Variants in CDKAL1 observed in about 807,000 individuals in gnomAD.
CDKAL1 encodes the protein threonylcarbamoyladenosine tRNA methylthiotransferase.
Under a neutral mutation model 68.2 loss-of-function variants are expected in CDKAL1, and 32 were observed. The observed-to-expected ratio is 0.47, with a 90% CI of 0.35 to 0.63. The LOEUF (loss-of-function observed/expected upper bound fraction) is 0.63, where lower values mean the gene tolerates loss of function less well. Among genes scored for constraint, CDKAL1 ranks in the 30% least tolerant of loss-of-function variants. The probability of loss-of-function intolerance (pLI) is 0.00; values close to 1 mark genes in which losing one functional copy is unlikely to be tolerated. For missense variants in CDKAL1, 606 were observed against 696.7 expected (o/e 0.87, Z 1.47); for synonymous variants, 234 against 244.3 (o/e 0.96, Z 0.39).
At chr6:21,096,464 C>T (rs1773321470) in intron 12 of CDKAL1, among the ~76,000 whole-genome samples, 1 of 152,168 alleles carries the variant, frequency 6.6e-6, no homozygotes. Context: ...ACATTACCAT[C>T]TCTCCATAAA....
chr6:21,230,321 C>G (rs917707335), intron 15 of CDKAL1, among the ~76,000 whole-genome samples: 3 of 152,178 alleles, frequency 2.0e-5, no homozygotes, highest in Non-Finnish European at 4.4e-5. Flanking sequence ...GCCACCACAC[C>G]CAGCTAATTT....
intron 9 of CDKAL1, among the ~76,000 whole-genome samples, chr6:20,953,866 A>C (rs1005446713): frequency 2.0e-5 from 3 of 152,190 alleles, no homozygotes; most frequent in Non-Finnish European, 4.4e-5. Flanking sequence ...TAATACTACT[A>C]ATTTTCAGAT....
chr6:20,763,995 G>A (rs934544495), intron 7 of CDKAL1, among the ~76,000 whole-genome samples: 61 of 152,212 alleles, frequency 4.0e-4, no homozygotes, highest in African/African-American at 1.2e-3. Context: ...GAAATACAGC[G>A]TCTAGTGGAT....
intron 12 of CDKAL1, among the ~76,000 whole-genome samples, chr6:21,069,590 CATTG>C (rs1771644349): frequency 1.3e-5 from 2 of 151,922 alleles, no homozygotes; most frequent in Admixed American, 6.6e-5. Flanking sequence ...TCATGGAAGA[CATTG>C]ATCTGTAGTT....
intron 5 of CDKAL1, among the ~76,000 whole-genome samples, chr6:20,734,611 A>G (rs1284016361): frequency 6.6e-6 from 1 of 152,194 alleles, no homozygotes. Flanking sequence ...AAACTTTGCT[A>G]CTTTATTTGG....
At chr6:20,987,712 C>T (rs375369832) in intron 10 of CDKAL1, among the ~76,000 whole-genome samples, 2 of 152,156 alleles carry the variant, frequency 1.3e-5, no homozygotes, top group African/African-American at 4.8e-5. Flanking sequence ...AAAAAGGATG[C>T]TGTGCTATGA....
rs556945777 is a variant in CDKAL1, at chr6:20,628,598, A to G, written c.287-20695A>G. On this transcript the variant is annotated intron_variant, in intron 4 of 15. Transcript: ENST00000274695. ...ACATTTTTAAAAAGCATACTTTGTC[A>G]GTATCTTTGTCGGTTCTGCCACTGA... is the stretch of plus-strand genomic sequence containing the variant. Among the ~76,000 whole-genome samples, 6 of 152,214 alleles carry G rather than the reference A, an allele frequency of 3.9e-5. No individual in the cohort carries two copies. The South Asian group carries it at 8.3e-4, about 21-fold the overall frequency.
intron 13 of CDKAL1, among the ~76,000 whole-genome samples, chr6:21,177,767 C>T (rs952850261): frequency 1.3e-5 from 2 of 150,070 alleles, no homozygotes; most frequent in Non-Finnish European, 3.0e-5. Context: ...TCATTATTTA[C>T]GAATATATTT....
chr6:20,994,756 AT>A (rs1767015290), intron 10 of CDKAL1, among the ~76,000 whole-genome samples: 1 of 152,198 alleles, frequency 6.6e-6, no homozygotes. Context: ...TGTGTAAAAA[AT>A]GTACATACCT....
intron 9 of CDKAL1, among the ~76,000 whole-genome samples, chr6:20,880,671 T>C (rs762514796): frequency 1.2e-4 from 18 of 152,210 alleles, no homozygotes; most frequent in Non-Finnish European, 1.2e-4. Context: ...CTGTATCTTA[T>C]ACTGTATACA....
chr6:20,909,185 A>ATGTGTGTG (rs57042223), intron 9 of CDKAL1, among the ~76,000 whole-genome samples: 36 of 119,306 alleles, frequency 3.0e-4, no homozygotes, highest in African/African-American at 9.2e-4. Flanking sequence ...GTGTGCATGT[A>ATGTGTGTG]TGTGTGTGTG....
intron 4 of CDKAL1, among the ~76,000 whole-genome samples, chr6:20,560,873 A>G (rs139899485): frequency 6.6e-6 from 1 of 152,084 alleles, no homozygotes; most frequent in Non-Finnish European, 1.5e-5. Context: ...CATTATTTTT[A>G]TGATTGATTA....
Position 20,556,126 on chromosome 6 carries a change from C to T in CDKAL1, c.286+7421C>T, listed in dbSNP as rs552568880. 3.9e-5 allele frequency among the ~76,000 whole-genome samples: 6 copies of T among 151,996 alleles called. No individual in the cohort carries two copies. In the South Asian group the frequency reaches 6.2e-4, roughly 16 times the overall value. ...TCGCCTGTAATCCCTGCACTTTGGG[C>T]GGCCTAGGCAGGTGGATCTCCTGAG... On this transcript the variant is annotated intron_variant, in intron 4 of 15. Coordinates refer to ENST00000274695, the MANE Select transcript of CDKAL1 (RefSeq NM_017774.3).
chr6:21,169,870 C>T (rs1777304799), intron 13 of CDKAL1, among the ~76,000 whole-genome samples: 1 of 151,752 alleles, frequency 6.6e-6, no homozygotes, highest in Non-Finnish European at 1.5e-5. Context: ...TTTTGTAAAG[C>T]GGTCAGATCT....
chr6:20,781,179 T>C lies in CDKAL1; in HGVS notation c.552T>C (p.Asp184=), dbSNP rs1360583795. Residue 184 remains aspartate (D), a synonymous_variant, in exon 8 of 16, where the codon GAT becomes GAC. Coordinates refer to ENST00000274695, the MANE Select transcript of CDKAL1 (RefSeq NM_017774.3). ...HSVRLLGQKK[D]NGRRLGGARL... ...TGAGACTGCTGGGTCAGAAAAAGGA[T>C]AATGGAAGGCGGCTTGGGGGAGCAC... 1 of 1,613,804 alleles carries C rather than the reference T, an allele frequency of 6.2e-7. No homozygotes were observed. The highest frequency in any genetic ancestry group is 1.7e-5 in the Admixed American group (1 of 59,936).
intron 8 of CDKAL1, among the ~76,000 whole-genome samples, chr6:20,844,086 G>A (rs1306723094): frequency 6.6e-6 from 1 of 152,164 alleles, no homozygotes; most frequent in African/African-American, 2.4e-5. Context: ...GAAGTGACAT[G>A]TTTTCACACA....
chr6:20,899,485 C>A (rs967187137), intron 9 of CDKAL1, among the ~76,000 whole-genome samples: 1 of 152,174 alleles, frequency 6.6e-6, no homozygotes. Context: ...CTTTTTAAAA[C>A]CACTTACTGG....
At chr6:20,589,186 G>A (rs534530453) in intron 4 of CDKAL1, among the ~76,000 whole-genome samples, 147 of 152,112 alleles carry the variant, frequency 9.7e-4, no homozygotes, top group Middle Eastern at 3.4e-3. Context: ...AGATATCATT[G>A]ATATCATTGA....
At chr6:20,821,135 T>C (rs1399049400) in intron 8 of CDKAL1, among the ~76,000 whole-genome samples, 2 of 152,024 alleles carry the variant, frequency 1.3e-5, no homozygotes, top group Non-Finnish European at 2.9e-5. Context: ...GAAATGAGAC[T>C]GGGAGGCAAT....
Sources: gnomAD v4.1 joint callset for allele counts (sites outside exome capture counted in the v4.1 genomes callset) on GRCh38, gnomAD v4.1.1 for gene constraint, MANE v1.5 for transcripts, NCBI Gene and HGNC (gene_info 2026-07-23, HGNC 2026-07-21) for gene names.